Variants in PLEKHA5 observed in about 807,000 individuals in gnomAD.
PLEKHA5 encodes pleckstrin homology domain-containing family A member 5.
Under a neutral mutation model 181.9 loss-of-function variants are expected in PLEKHA5, and 55 were observed. The ratio of observed to expected loss-of-function variants is 0.30; its 90% CI spans 0.24 to 0.38. The LOEUF (loss-of-function observed/expected upper bound fraction) is 0.38, where lower values mean the gene tolerates loss of function less well. Ranked by LOEUF, PLEKHA5 falls within the 10% of genes least tolerant of loss-of-function variation. The pLI is 1.00. For synonymous variants in PLEKHA5, 535 were observed against 529.4 expected, an observed-to-expected ratio of 1.01 and a Z score of -0.15; for missense variants, 1,432 against 1,549.5, an observed-to-expected ratio of 0.92 and a Z score of 1.27.
At chr12:19,133,559 CTGTGACATTTTTAA>C (rs1282521213) in intron 3 of PLEKHA5, among the ~76,000 whole-genome samples, 7 of 151,916 alleles carry the variant, frequency 4.6e-5, no homozygotes, top group African/African-American at 1.7e-4. Flanking sequence ...GTTATTTTTA[CTGTGACATTTTTAA>C]GATCATGTTA....
At chr12:19,174,324 T>A (rs2046679459) in intron 3 of PLEKHA5, among the ~76,000 whole-genome samples, 1 of 152,164 alleles carries the variant, frequency 6.6e-6, no homozygotes, top group Non-Finnish European at 1.5e-5. Flanking sequence ...ACTGGAGGTG[T>A]TAATTCTTTG....
intron 15 of PLEKHA5, among the ~76,000 whole-genome samples, chr12:19,295,563 A>C (rs535295276): frequency 1.4e-4 from 22 of 152,234 alleles, no homozygotes; most frequent in Non-Finnish European, 2.6e-4. Flanking sequence ...ATTTTGAAAA[A>C]AATTTTTTTT....
At chr12:19,339,713 A>AGTCATAC (rs1218786764) in intron 21 of PLEKHA5, among the ~76,000 whole-genome samples, 1 of 152,164 alleles carries the variant, frequency 6.6e-6, no homozygotes, top group Non-Finnish European at 1.5e-5. Flanking sequence ...AAGAATGAGA[A>AGTCATAC]GTCATACTCT....
chr12:19,240,229 A>G (rs2062232621), intron 3 of PLEKHA5, among the ~76,000 whole-genome samples: 1 of 151,618 alleles, frequency 6.6e-6, no homozygotes, highest in South Asian at 2.1e-4. Flanking sequence ...TGTTTTATCT[A>G]CAATAAAATA....
intron 3 of PLEKHA5, among the ~76,000 whole-genome samples, chr12:19,177,593 T>C (rs2047620578): frequency 6.6e-6 from 1 of 152,232 alleles, no homozygotes; most frequent in Admixed American, 6.5e-5. Flanking sequence ...AGAAGTTTTG[T>C]GCTCTTCTTT....
intron 3 of PLEKHA5, among the ~76,000 whole-genome samples, chr12:19,134,027 A>G (rs2034851120): frequency 6.6e-6 from 1 of 152,062 alleles, no homozygotes; most frequent in African/African-American, 2.4e-5. Flanking sequence ...CTCATCTTAT[A>G]AAAACAGAGG....
intron 3 of PLEKHA5, among the ~76,000 whole-genome samples, chr12:19,236,385 C>T (rs1277410490): frequency 6.6e-6 from 1 of 152,068 alleles, no homozygotes; most frequent in Non-Finnish European, 1.5e-5. Flanking sequence ...TAGAATCTAT[C>T]TTGTTGGGTT....
chr12:19,375,273 G>A (rs752272491), intron 31 of PLEKHA5, among the ~76,000 whole-genome samples: 4 of 152,016 alleles, frequency 2.6e-5, no homozygotes, highest in Admixed American at 6.6e-5. Flanking sequence ...GCAGAGAGCC[G>A]GGATCATACC....
chr12:19,261,035 A>G lies in PLEKHA5; in HGVS notation c.610+14A>G, dbSNP rs778305274. 9 of 1,463,704 alleles carry G rather than the reference A, an allele frequency of 6.1e-6. No individual in the cohort carries two copies. Among genetic ancestry groups the G allele is most frequent in the Middle Eastern group, 3.6e-4 (2 of 5,610 alleles). 90.7% of individuals were successfully genotyped at this position (1,463,704 alleles called of 1,614,324 possible). A position where few individuals can be genotyped will look rare whatever the true frequency, so the allele number is the denominator to read the frequency against. On this transcript the variant is annotated intron_variant, in intron 7 of 31. Coordinates refer to ENST00000429027, the MANE Select transcript of PLEKHA5 (RefSeq NM_001256470.2). The stretch of plus-strand genomic sequence containing the variant: ...TTTATTATAGAGGTAAGTTTACCCT[A>G]CTGTCTTAGTGTATTATTTTGTAAT...
At chr12:19,350,329 C>T (rs1030067193) in intron 25 of PLEKHA5, among the ~76,000 whole-genome samples, 1 of 152,118 alleles carries the variant, frequency 6.6e-6, no homozygotes, top group African/African-American at 2.4e-5. Context: ...TTAAAGGATT[C>T]GCCAGAAAGA....
At chr12:19,340,031 GAGAA>G (rs761449507) in intron 21 of PLEKHA5, among the ~76,000 whole-genome samples, 10 of 150,954 alleles carry the variant, frequency 6.6e-5, no homozygotes, top group East Asian at 1.9e-4. Context: ...AAAGCAGAGA[GAGAA>G]AGAAAGAGAG....
chr12:19,350,043 C>A (rs1234907472), intron 25 of PLEKHA5, among the ~76,000 whole-genome samples: 1 of 152,130 alleles, frequency 6.6e-6, no homozygotes, highest in Non-Finnish European at 1.5e-5. Flanking sequence ...ACCCAGGAGT[C>A]AGAGGTTGCA....
chr12:19,320,487 C>A, intron 17 of PLEKHA5, 75 bp from the exon 18 acceptor site: 2 of 663,664 alleles, frequency 3.0e-6, no homozygotes, highest in South Asian at 2.0e-5. Flanking sequence ...AATATAAATC[C>A]AAAGTATTAA....
intron 3 of PLEKHA5, among the ~76,000 whole-genome samples, chr12:19,148,859 T>C (rs1274639623): frequency 6.6e-6 from 1 of 152,182 alleles, no homozygotes; most frequent in Non-Finnish European, 1.5e-5. Context: ...CTTTCACACC[T>C]AGTCATCTGG....
intron 3 of PLEKHA5, among the ~76,000 whole-genome samples, chr12:19,161,906 CA>C (rs1346890160): frequency 6.6e-6 from 1 of 152,138 alleles, no homozygotes; most frequent in African/African-American, 2.4e-5. Flanking sequence ...TTCTTTCCTT[CA>C]GGGGAAAGAA....
intron 31 of PLEKHA5, among the ~76,000 whole-genome samples, chr12:19,375,028 A>C (rs1167639221): frequency 2.6e-5 from 4 of 151,466 alleles, no homozygotes; most frequent in Non-Finnish European, 5.9e-5. Context: ...GCATTACATT[A>C]TGTTTCCTTG....
intron 8 of PLEKHA5, among the ~76,000 whole-genome samples, chr12:19,268,081 CTAAGGA>C (rs1276783952): frequency 6.6e-6 from 1 of 152,010 alleles, no homozygotes; most frequent in African/African-American, 2.4e-5. Context: ...GAGCAAAGAC[CTAAGGA>C]TAAGAGGGGA....
chr12:19,156,211 TTTG>T (rs1489422331), intron 3 of PLEKHA5, among the ~76,000 whole-genome samples: 1 of 30,352 alleles, frequency 3.3e-5, no homozygotes, highest in Non-Finnish European at 2.4e-4. Context: ...TTTTCCTTTT[TTTG>T]TTTTTTTTTT....
intron 28 of PLEKHA5, among the ~76,000 whole-genome samples, chr12:19,360,728 T>C (rs1033660684): frequency 6.6e-6 from 1 of 152,094 alleles, no homozygotes; most frequent in Non-Finnish European, 1.5e-5. Context: ...AGGAATCTTA[T>C]ATCCCAACAG....
Sources: allele counts gnomAD v4.1 joint callset (sites outside exome capture counted in the v4.1 genomes callset), GRCh38; gene constraint gnomAD v4.1.1; transcripts MANE v1.5; gene names NCBI Gene and HGNC (gene_info 2026-07-23, HGNC 2026-07-21).